Variants in HNRNPA1L2 observed in about 807,000 individuals in gnomAD.
HNRNPA1L2 encodes heterogeneous nuclear ribonucleoprotein A1-like 2.
A neutral mutation model predicts 18.2 loss-of-function variants in HNRNPA1L2; 10 were observed. The observed-to-expected ratio is 0.55, with a 90% CI of 0.34 to 0.93. The LOEUF (loss-of-function observed/expected upper bound fraction) is 0.93, where lower values mean the gene tolerates loss of function less well. HNRNPA1L2 is among the 40% of genes least tolerant of loss of function. The pLI is 0.02. For synonymous variants in HNRNPA1L2, 124 were observed against 138.6 expected, an observed-to-expected ratio of 0.89 and a Z score of 0.74; for missense variants, 308 against 394.4, an observed-to-expected ratio of 0.78 and a Z score of 1.85.
At chr13:52,637,432 T>C, upstream of HNRNPA1L2, 1 of 262,626 alleles carries the variant, frequency 3.8e-6, no homozygotes. Flanking sequence ...GAGTTCCCAA[T>C]TAATAATGAA....
At chr13:52,639,686 C>A (rs1961582055), upstream of HNRNPA1L2, among the ~76,000 whole-genome samples, 1 of 123,378 alleles carries the variant, frequency 8.1e-6, no homozygotes, top group Admixed American at 8.2e-5. Context: ...TTTTTGTTGA[C>A]CCTGTCTCAA....
upstream of HNRNPA1L2, among the ~76,000 whole-genome samples, chr13:52,640,205 G>A (rs1223082974): frequency 1.3e-5 from 2 of 152,236 alleles, no homozygotes; most frequent in African/African-American, 4.8e-5. Flanking sequence ...GCCTCCCAAA[G>A]TGGTGGGATT....
chr13:52,633,404 TAA>T, the HNRNPA1L2 span, among the ~76,000 whole-genome samples: 4 of 152,202 alleles, frequency 2.6e-5, no homozygotes, highest in Non-Finnish European at 5.9e-5. Context: ...ATTTTAAGTC[TAA>T]AAGAGAAATG....
At chr13:52,640,608 A>T (rs1284113272), upstream of HNRNPA1L2, among the ~76,000 whole-genome samples, 1 of 152,206 alleles carries the variant, frequency 6.6e-6, no homozygotes, top group Non-Finnish European at 1.5e-5. Flanking sequence ...GGTATCAAGG[A>T]TGTCTTCACA....
chr13:52,635,576 AC>A, the HNRNPA1L2 span, among the ~76,000 whole-genome samples: 1 of 1,250 alleles, frequency 8.0e-4, no homozygotes, highest in Non-Finnish European at 1.4e-3. Flanking sequence ...TCCTTTTGCA[AC>A]ACACACACAC....
the HNRNPA1L2 span, among the ~76,000 whole-genome samples, chr13:52,633,605 A>C: frequency 6.6e-6 from 1 of 152,194 alleles, no homozygotes; most frequent in African/African-American, 2.4e-5. Flanking sequence ...TGGGATTAGG[A>C]GTTCAAGACC....
the HNRNPA1L2 span, among the ~76,000 whole-genome samples, chr13:52,632,845 CTG>C: frequency 6.6e-6 from 1 of 152,200 alleles, no homozygotes; most frequent in Non-Finnish European, 1.5e-5. Context: ...CACAATGAAA[CTG>C]TTTTCCTTGA....
At chr13:52,627,958 C>A in the HNRNPA1L2 span, among the ~76,000 whole-genome samples, 1 of 151,624 alleles carries the variant, frequency 6.6e-6, no homozygotes, top group Admixed American at 6.6e-5. Context: ...GGTCTGTTTC[C>A]TTCTCTTTTT....
chr13:52,635,436 C>A, the HNRNPA1L2 span, among the ~76,000 whole-genome samples: 2 of 152,056 alleles, frequency 1.3e-5, no homozygotes, highest in African/African-American at 4.8e-5. Context: ...TATTCATTTT[C>A]TTTTTACAAC....
chr13:52,628,752 A>G, the HNRNPA1L2 span, among the ~76,000 whole-genome samples: 1 of 152,276 alleles, frequency 6.6e-6, no homozygotes, highest in Admixed American at 6.5e-5. Context: ...ATGACTTTTT[A>G]AAATTTAATT....
At chr13:52,639,424 A>G (rs1457111910), upstream of HNRNPA1L2, among the ~76,000 whole-genome samples, 3 of 152,170 alleles carry the variant, frequency 2.0e-5, no homozygotes, top group Non-Finnish European at 4.4e-5. Flanking sequence ...GCACCTGTAG[A>G]GGTCTGCCTT....
At chr13:52,628,169 G>A in the HNRNPA1L2 span, among the ~76,000 whole-genome samples, 1 of 152,214 alleles carries the variant, frequency 6.6e-6, no homozygotes, top group African/African-American at 2.4e-5. Flanking sequence ...ATGGCCATGT[G>A]TGGTGGCTCA....
chr13:52,624,121 T>C, the HNRNPA1L2 span, among the ~76,000 whole-genome samples: 1 of 152,176 alleles, frequency 6.6e-6, no homozygotes, highest in Non-Finnish European at 1.5e-5. Flanking sequence ...TGTTTTGTTT[T>C]GTTTTGTTTT....
At chr13:52,634,775 G>C in the HNRNPA1L2 span, among the ~76,000 whole-genome samples, 2 of 152,170 alleles carry the variant, frequency 1.3e-5, no homozygotes, top group Admixed American at 6.5e-5. Context: ...TAGCTCAACA[G>C]AAAGAGTGTT....
chr13:52,621,015 G>A, the HNRNPA1L2 span, among the ~76,000 whole-genome samples: 1 of 152,188 alleles, frequency 6.6e-6, no homozygotes, highest in Non-Finnish European at 1.5e-5. Context: ...CCAGCACAGA[G>A]TAGATATTCA....
upstream of HNRNPA1L2, among the ~76,000 whole-genome samples, chr13:52,638,025 A>T (rs1961518644): frequency 6.6e-6 from 1 of 152,214 alleles, no homozygotes; most frequent in South Asian, 2.1e-4. Context: ...AACAAAGGGC[A>T]TGTTATCTAG....
chr13:52,634,569 T>G, the HNRNPA1L2 span, among the ~76,000 whole-genome samples: 3 of 152,218 alleles, frequency 2.0e-5, no homozygotes, highest in African/African-American at 7.2e-5. Flanking sequence ...AATTTAGCAA[T>G]TTTTCATTGT....
At chr13:52,628,229 G>T in the HNRNPA1L2 span, among the ~76,000 whole-genome samples, 1 of 152,132 alleles carries the variant, frequency 6.6e-6, no homozygotes, top group East Asian at 1.9e-4. Context: ...GATCACTTGA[G>T]GCCAGGAATT....
At chr13:52,636,601 ACTT>A in the HNRNPA1L2 span, among the ~76,000 whole-genome samples, 2 of 152,178 alleles carry the variant, frequency 1.3e-5, no homozygotes, top group Non-Finnish European at 1.5e-5. Flanking sequence ...TGTTGATCTA[ACTT>A]CTTTGGTTGT....
Sources: gnomAD v4.1 joint callset for allele counts (sites outside exome capture counted in the v4.1 genomes callset) on GRCh38, gnomAD v4.1.1 for gene constraint, MANE v1.5 for transcripts, NCBI Gene and HGNC (gene_info 2026-07-23, HGNC 2026-07-21) for gene names.